Variants in SMCO2 observed in about 807,000 individuals in gnomAD.
The protein encoded by SMCO2 is single-pass membrane and coiled-coil domain-containing protein 2.
SMCO2 carries 25 observed loss-of-function variants against 29.5 expected under a neutral mutation model. The observed-to-expected ratio is 0.85, with a 90% CI of 0.62 to 1.18. The LOEUF (loss-of-function observed/expected upper bound fraction) is 1.18. Ranked by LOEUF, SMCO2 falls within the 50% of genes most tolerant of loss-of-function variation. The pLI is 0.00. For synonymous variants in SMCO2, 117 were observed against 123.3 expected, an observed-to-expected ratio of 0.95 and a Z score of 0.34; for missense variants, 348 against 344.5, an observed-to-expected ratio of 1.01 and a Z score of -0.08.
At chr12:27,425,591 A>G in the SMCO2 span, among the ~76,000 whole-genome samples, 8 of 151,904 alleles carry the variant, frequency 5.3e-5, no homozygotes, top group Admixed American at 1.3e-4. Flanking sequence ...AGCTGGTTTT[A>G]TCTTCCGGTG....
chr12:27,496,115 A>G (rs1942998792), intron 7 of SMCO2, among the ~76,000 whole-genome samples: 1 of 150,238 alleles, frequency 6.7e-6, no homozygotes, highest in Non-Finnish European at 1.5e-5. Context: ...CTTTAGATAA[A>G]TATATCTAAA....
At chr12:27,470,349 T>C (rs1475219405) in intron 1 of SMCO2, among the ~76,000 whole-genome samples, 2 of 152,236 alleles carry the variant, frequency 1.3e-5, no homozygotes, top group Non-Finnish European at 2.9e-5. Flanking sequence ...TTATTATATA[T>C]TCCTCTGTAG....
At chr12:27,432,552 T>G in the SMCO2 span, among the ~76,000 whole-genome samples, 1 of 152,174 alleles carries the variant, frequency 6.6e-6, no homozygotes, top group Non-Finnish European at 1.5e-5. Context: ...ACCATCCCTG[T>G]TCATATTTAA....
chr12:27,431,772 G>A, the SMCO2 span, among the ~76,000 whole-genome samples: 1 of 152,268 alleles, frequency 6.6e-6, no homozygotes, highest in South Asian at 2.1e-4. Flanking sequence ...CCAGAAGTGG[G>A]ATTGCTGGAT....
chr12:27,472,943 G>A (rs1949553659), intron 3 of SMCO2, 68 bp downstream of exon 3: 12 of 1,147,236 alleles, frequency 1.0e-5, no homozygotes, highest in South Asian at 4.0e-5. Context: ...AGAACTTCAC[G>A]CCGCATATCT....
At chr12:27,427,025 C>T in the SMCO2 span, among the ~76,000 whole-genome samples, 12 of 152,084 alleles carry the variant, frequency 7.9e-5, no homozygotes, top group Non-Finnish European at 1.6e-4. Context: ...CGCCACAGTC[C>T]CTGCTCTTAA....
chr12:27,449,681 A>G, the SMCO2 span, among the ~76,000 whole-genome samples: 1 of 152,222 alleles, frequency 6.6e-6, no homozygotes, highest in East Asian at 1.9e-4. Flanking sequence ...AAAATATCCA[A>G]TACAAATCCA....
chr12:27,427,373 G>T, the SMCO2 span, among the ~76,000 whole-genome samples: 1 of 152,130 alleles, frequency 6.6e-6, no homozygotes, highest in Non-Finnish European at 1.5e-5. Context: ...GAGGCATCTG[G>T]CCTGGGGACC....
upstream of SMCO2, among the ~76,000 whole-genome samples, chr12:27,465,790 G>A (rs1054488830): frequency 1.3e-5 from 2 of 152,158 alleles, no homozygotes; most frequent in Non-Finnish European, 1.5e-5. Flanking sequence ...AAACCAAAAA[G>A]CTAATAAATG....
upstream of SMCO2, among the ~76,000 whole-genome samples, chr12:27,463,858 T>G (rs550199495): frequency 6.6e-6 from 1 of 152,256 alleles, no homozygotes; most frequent in Non-Finnish European, 1.5e-5. Context: ...AGGAGAGAGA[T>G]AAGATGGCAG....
chr12:27,456,555 A>G, the SMCO2 span, among the ~76,000 whole-genome samples: 1 of 152,312 alleles, frequency 6.6e-6, no homozygotes, highest in East Asian at 1.9e-4. Flanking sequence ...AGTAGCTGGG[A>G]CTACGGGTGT....
intron 7 of SMCO2, chr12:27,497,641 T>A (rs1943023882): frequency 6.6e-6 from 1 of 152,042 alleles, no homozygotes; most frequent in African/African-American, 2.6e-5. Context: ...GAGGTGGGAC[T>A]ATCACCTGAG....
At chr12:27,430,307 A>G in the SMCO2 span, among the ~76,000 whole-genome samples, 1 of 152,184 alleles carries the variant, frequency 6.6e-6, no homozygotes, top group African/African-American at 2.4e-5. Context: ...CCATTATGTG[A>G]TAGTATATCA....
rs376801476 is a variant in SMCO2 at position 27,485,717 on chromosome 12, G to T, written c.363-2743G>T. 3.9e-5 allele frequency among the ~76,000 whole-genome samples: 6 copies of T among 152,262 alleles called. No homozygotes were observed. In the South Asian group the frequency reaches 1.2e-3, roughly 32 times the overall value. On this transcript the variant is annotated intron_variant, in intron 4 of 7. Coordinates refer to ENST00000298876, the Ensembl canonical transcript of SMCO2. Reference sequence around the variant, plus strand: ...CCACCTCAGCCTCCCAAAGTGCTGGGATTACAGGTGTGAGCCACGGCACTC... The same window carrying T: ...CCACCTCAGCCTCCCAAAGTGCTGGTATTACAGGTGTGAGCCACGGCACTC...
intron 5 of SMCO2, among the ~76,000 whole-genome samples, chr12:27,491,480 T>C (rs576980765): frequency 6.6e-5 from 10 of 152,274 alleles, no homozygotes; most frequent in East Asian, 5.8e-4. Flanking sequence ...GAGGTGATTG[T>C]CACAGCACAG....
rs183711552 is a variant in SMCO2 at position 27,491,431 on chromosome 12, A to T, written c.451-2869A>T. On this transcript the variant is annotated intron_variant, in intron 5 of 7. Coordinates refer to ENST00000298876, the Ensembl canonical transcript of SMCO2. ...AGTTATCTTTGATAAGTGCTGTATG[A>T]AGATGTTTACTCTGTAAATAAACTA... 8.1e-4 allele frequency among the ~76,000 whole-genome samples: 123 copies of T among 152,298 alleles called. 2 individuals are homozygous for T. The highest frequency in any genetic ancestry group is 8.2e-4 in the Non-Finnish European group (56 of 68,020).
chr12:27,461,789 C>T, the SMCO2 span, among the ~76,000 whole-genome samples: 3 of 152,226 alleles, frequency 2.0e-5, no homozygotes, highest in Non-Finnish European at 4.4e-5. Flanking sequence ...AGCTCCCCTT[C>T]CCTGGAAATC....
At chr12:27,475,601 C>T in intron 4 of SMCO2, 1 of 1,545,224 alleles carries the variant, frequency 6.5e-7, no homozygotes, top group South Asian at 1.2e-5. Context: ...GGGCATGTTC[C>T]TCAAGCTAAA....
chr12:27,463,690 G>A (rs1394870748), upstream of SMCO2, among the ~76,000 whole-genome samples: 1 of 152,124 alleles, frequency 6.6e-6, no homozygotes, highest in Non-Finnish European at 1.5e-5. Context: ...AACCCACCAC[G>A]GAAATTGGAT....
Sources: gnomAD v4.1 joint callset for allele counts (sites outside exome capture counted in the v4.1 genomes callset) on GRCh38, gnomAD v4.1.1 for gene constraint, MANE v1.5 for transcripts, NCBI Gene and HGNC (gene_info 2026-07-23, HGNC 2026-07-21) for gene names.